The following ZNF154 variants were observed in gnomAD, a reference collection of about 807,000 sequenced individuals.
ZNF154 encodes zinc finger protein 154.
ZNF154 carries 6 observed loss-of-function variants against 7.5 expected under a neutral mutation model. The observed-to-expected ratio is 0.80, with a 90% CI of 0.44 to 1.57. ZNF154 has a LOEUF of 1.57. ZNF154 is among the 40% of genes most tolerant of loss of function. The probability of loss-of-function intolerance (pLI) is 0.01; values close to 1 mark genes in which losing one functional copy is unlikely to be tolerated. For missense variants in ZNF154, 485 were observed against 531.4 expected, an observed-to-expected ratio of 0.91 and a Z score of 0.86; for synonymous variants, 187 against 185.9, an observed-to-expected ratio of 1.01 and a Z score of -0.05.
intron 2 of ZNF154, among the ~76,000 whole-genome samples, chr19:57,703,715 T>G (rs1985279697): frequency 6.6e-6 from 1 of 151,664 alleles, no homozygotes; most frequent in Non-Finnish European, 1.5e-5. Flanking sequence ...AAGGACTGTT[T>G]AAGAGTATGT....
In ZNF154 at chr19:57,698,144, A is replaced by ATAATGATGAATC. The variant is rs1302773623; in HGVS notation, c.*3479_*3490dup. ...AAAAAAAGAAACTACTCATAGAGGT[A>ATAATGATGAATC]TAATGATGAATCTCAAAATAAATAC... is the stretch of plus-strand genomic sequence containing the variant. On this transcript the variant is annotated 3_prime_UTR_variant, in exon 3 of 3. Transcript: ENST00000684351. The ATAATGATGAATC allele has an allele frequency of 1.3e-5, 2 of 152,232 alleles. 1 individual carries two copies. Among genetic ancestry groups the ATAATGATGAATC allele is most frequent in the Admixed American group, 1.3e-4 (2 of 15,272 alleles). The allele number at this position is 152,232 out of a possible 1,614,324, so 9.4% of individuals were successfully genotyped here. A position where few individuals can be genotyped will look rare whatever the true frequency, so the allele number is the denominator to read the frequency against.
intron 1 of ZNF154, among the ~76,000 whole-genome samples, chr19:57,707,497 T>C (rs1985440332): frequency 6.6e-6 from 1 of 152,176 alleles, no homozygotes; most frequent in South Asian, 2.1e-4. Context: ...CTCTGGTCCA[T>C]TACCCTGGAC....
At chr19:57,707,271 T>A (rs1465445566) in intron 1 of ZNF154, among the ~76,000 whole-genome samples, 1 of 152,102 alleles carries the variant, frequency 6.6e-6, no homozygotes, top group East Asian at 1.9e-4. Context: ...AATGCCTACT[T>A]AATGTCTCTG....
At chr19:57,705,042 C>G in intron 1 of ZNF154, 63 bp from the exon 2 acceptor site, 22 of 1,546,190 alleles carry the variant, frequency 1.4e-5, no homozygotes, top group Non-Finnish European at 1.8e-5. Flanking sequence ...ACAATGCATA[C>G]CCCCACATCT....
chr19:57,704,106 G>A (rs1006725114), intron 2 of ZNF154, among the ~76,000 whole-genome samples: 4 of 152,152 alleles, frequency 2.6e-5, no homozygotes, highest in East Asian at 3.9e-4. Flanking sequence ...GATAAGATAC[G>A]GAGTCCAGAG....
At position 57,702,527 on chromosome 19, in the gene ZNF154, GC is replaced by G; in HGVS notation, c.421del (p.Ala141HisfsTer149). 1 of 1,614,162 alleles carries G rather than the reference GC, an allele frequency of 6.2e-7. No individual in the cohort carries two copies. Among genetic ancestry groups the G allele is most frequent in the Non-Finnish European group, 8.5e-7 (1 of 1,180,034 alleles). ...AACAAGTGTGTGTTTACCGCTGAAT[GC>G]TTTTGTGTGTTCTCCACAGTTGTAA... The part of the protein sequence containing the change: ...THYNCGEHTK[A>X]FSGKHTLVQQ... On this transcript the variant is annotated frameshift_variant, in exon 3 of 3. Transcript: ENST00000684351. LOFTEE classifies it low-confidence loss of function (END_TRUNC).
In ZNF154 at chr19:57,696,874, C is replaced by T. The variant is rs148573083; in HGVS notation, c.*4761G>A. Reference sequence around the variant, plus strand: ...AACTAGAGCTGCCTTGCTGGAAGCTCGCACTGTCCTGTCCCGATGTATCAT... The same window carrying T: ...AACTAGAGCTGCCTTGCTGGAAGCTTGCACTGTCCTGTCCCGATGTATCAT... On this transcript the variant is annotated 3_prime_UTR_variant, in exon 3 of 3. Transcript: ENST00000684351. Among the ~76,000 whole-genome samples the T allele has an allele frequency of 1.6e-4, 25 of 152,286 alleles. No homozygotes were observed. The East Asian group carries it at 4.8e-3, about 29-fold the overall frequency.
At position 57,696,792 on chromosome 19, in the gene ZNF154, C is replaced by T. The variant is rs144242573; in HGVS notation, c.*4843G>A. On this transcript the variant is annotated 3_prime_UTR_variant, in exon 3 of 3. Coordinates refer to ENST00000684351, the MANE Select transcript of ZNF154 (RefSeq NM_001085384.3). ...ACAGTCCCTCAGCACTTTTCACTCC[C>T]CTTCCCAAGGATACTATCATCACCC... Among the ~76,000 whole-genome samples, 135 of 152,272 alleles carry T rather than the reference C, an allele frequency of 8.9e-4. No individual in the cohort carries two copies. The highest frequency in any genetic ancestry group is 3.2e-3 in the African/African-American group (135 of 41,560).
rs1368627337 is a variant in ZNF154 at position 57,708,647 on chromosome 19, A to G, written c.33+292T>C. On this transcript the variant is annotated intron_variant, in intron 1 of 2. Transcript: ENST00000684351. ...CTCCGTGGCTTCTAGCATCCTCACAATGACAGTACAACCCTAGGAGTAACT... is the reference window on the plus strand; with the variant it reads ...CTCCGTGGCTTCTAGCATCCTCACAGTGACAGTACAACCCTAGGAGTAACT... Among the ~76,000 whole-genome samples, 5 of 152,118 alleles carry G rather than the reference A, an allele frequency of 3.3e-5. No individual in the cohort carries two copies. In the East Asian group the frequency reaches 7.7e-4, roughly 23 times the overall value.
In ZNF154 at chr19:57,701,890, C is replaced by G; in HGVS notation, c.1059G>C (p.Gly353=). 6.2e-7 allele frequency: 1 copy of G among 1,613,510 alleles called. No homozygotes were observed. Among genetic ancestry groups the G allele is most frequent in the Non-Finnish European group, 8.5e-7 (1 of 1,179,864 alleles). Reference sequence around the variant, plus strand: ...ATTCACTGCACTCATAAGGCCTCTCCCCAGTGTGAACTCCCCGATGTTGAA... The same window carrying G: ...ATTCACTGCACTCATAAGGCCTCTCGCCAGTGTGAACTCCCCGATGTTGAA... ...ALLQHRGVHT[G]ERPYECSECG... Residue 353 remains glycine (G), a synonymous_variant, in exon 3 of 3, where the codon GGG becomes GGC. Transcript: ENST00000684351.
intron 1 of ZNF154, among the ~76,000 whole-genome samples, 193 bp downstream of exon 1, chr19:57,708,746 G>A (rs1271375774): frequency 2.6e-5 from 4 of 152,052 alleles, no homozygotes; most frequent in Admixed American, 2.6e-4. Context: ...CTCAACCTTT[G>A]CACGCGCCGG....
chr19:57,707,573 A>G (rs1463163924), intron 1 of ZNF154, among the ~76,000 whole-genome samples: 2 of 152,108 alleles, frequency 1.3e-5, no homozygotes, highest in African/African-American at 4.8e-5. Context: ...TCTCCACGCT[A>G]ACGGGATGGA....
At position 57,702,401 on chromosome 19, in the gene ZNF154, T is replaced by G; in HGVS notation, c.548A>C (p.His183Pro). Residue 183 changes from histidine to proline, a missense_variant, in exon 3 of 3, where the codon CAC becomes CCC. Transcript: ENST00000684351. ...ACATTCATAAGGCTTTTCTCCAGTG[T>G]GAAGTCTCCAATGGTCATTGAGACT... The part of the protein sequence containing the change: ...SYSLNDHWRL[H>P]TGEKPYECRE... The G allele has an allele frequency of 6.2e-7, 1 of 1,612,728 alleles. No homozygotes were observed. Among genetic ancestry groups the G allele is most frequent in the Non-Finnish European group, 8.5e-7 (1 of 1,178,854 alleles).
rs1600038507 is a variant in ZNF154 at position 57,705,787 on chromosome 19, T to A, written c.34-808A>T. Among the ~76,000 whole-genome samples, 9 of 150,004 alleles carry A rather than the reference T, an allele frequency of 6.0e-5. No individual in the cohort carries two copies. The South Asian group carries it at 1.9e-3, about 32-fold the overall frequency. ...AAAAAAAAGAAAGATGATATAGCAG[T>A]TTATTAATCATATGTACATAGAACC... On this transcript the variant is annotated intron_variant, in intron 1 of 2. Transcript: ENST00000684351.
chr19:57,708,807 AAAG>A (rs1421459404), intron 1 of ZNF154, 129 bp downstream of exon 1: 1 of 1,240,740 alleles, frequency 8.1e-7, no homozygotes, highest in African/African-American at 1.5e-5. Context: ...AGTGTCAAAA[AAAG>A]GGCCCCACCC....
intron 1 of ZNF154, among the ~76,000 whole-genome samples, chr19:57,708,289 C>T (rs1254852744): frequency 6.6e-6 from 1 of 152,152 alleles, no homozygotes; most frequent in East Asian, 1.9e-4. Context: ...TAACATAGGG[C>T]GGGCACGGTG....
chr19:57,704,019 A>G (rs945135434), intron 2 of ZNF154, among the ~76,000 whole-genome samples: 31 of 152,328 alleles, frequency 2.0e-4, no homozygotes, highest in Middle Eastern at 3.4e-3. Context: ...AAAAAAAAAG[A>G]GTATGTGCAT....
rs372626786 is a variant in ZNF154, at chr19:57,702,419, T to C, written c.530A>G (p.Asn177Ser). 12 of 1,613,654 alleles carry C rather than the reference T, an allele frequency of 7.4e-6. No individual in the cohort carries two copies. Among genetic ancestry groups the C allele is most frequent in the East Asian group, 2.2e-5 (1 of 44,848 alleles). The part of the protein sequence containing the change: ...GKSFSKSYSL[N>S]DHWRLHTGEK... ...TCCAGTGTGAAGTCTCCAATGGTCA[T>C]TGAGACTGTAGCTTTTGCTAAAGGA... The change falls in exon 3 of 3, where the codon AAT becomes AGT. Residue 177 changes from asparagine to serine, a missense_variant. Asn to Ser is a conservative substitution (Grantham distance 46). Coordinates refer to ENST00000684351, the MANE Select transcript of ZNF154 (RefSeq NM_001085384.3).
intron 2 of ZNF154, among the ~76,000 whole-genome samples, chr19:57,704,084 G>A (rs1365369518): frequency 6.6e-6 from 1 of 152,188 alleles, no homozygotes; most frequent in African/African-American, 2.4e-5. Flanking sequence ...AGGTGTAGCA[G>A]TGAGAAAAAC....
Sources: gnomAD v4.1 joint callset for allele counts (sites outside exome capture counted in the v4.1 genomes callset) on GRCh38, gnomAD v4.1.1 for gene constraint, MANE v1.5 for transcripts, NCBI Gene and HGNC (gene_info 2026-07-23, HGNC 2026-07-21) for gene names.